FRYL: variants seen among roughly 807,000 people sequenced by gnomAD.
The protein encoded by FRYL is FRY like transcription coactivator.
FRYL carries 150 observed loss-of-function variants against 351.2 expected under a neutral mutation model. The observed-to-expected ratio is 0.43, with a 90% CI of 0.37 to 0.49. The LOEUF (loss-of-function observed/expected upper bound fraction) is 0.49. FRYL is among the 20% of genes least tolerant of loss of function. The pLI, the probability that FRYL is intolerant of heterozygous loss-of-function variation, is 0.00. For missense variants in FRYL, 3,036 were observed against 3,619.3 expected, an observed-to-expected ratio of 0.84 and a Z score of 4.13; for synonymous variants, 1,153 against 1,257.1, an observed-to-expected ratio of 0.92 and a Z score of 1.75.
chr4:48,594,095 GACA>G (rs1334526527), intron 15 of FRYL, 79 bp from the exon 16 acceptor site: 4 of 756,854 alleles, frequency 5.3e-6, no homozygotes, highest in Non-Finnish European at 8.1e-6. Flanking sequence ...AATATACAAT[GACA>G]ACAAGACAGG....
intron 40 of FRYL, 34 bp downstream of exon 40, chr4:48,548,656 T>C (rs1731972152): frequency 1.8e-6 from 2 of 1,127,310 alleles, no homozygotes; most frequent in South Asian, 2.6e-5. Context: ...CATAAAAATA[T>C]AACATGAAAG....
intron 3 of FRYL, among the ~76,000 whole-genome samples, chr4:48,645,548 C>A (rs1394194041): frequency 2.0e-5 from 3 of 152,156 alleles, no homozygotes; most frequent in Admixed American, 2.0e-4. Flanking sequence ...CATATATACT[C>A]TCAGCATTCT....
intron 41 of FRYL, chr4:48,546,475 T>C (rs1731354639): frequency 1.7e-6 from 1 of 577,806 alleles, no homozygotes; most frequent in Non-Finnish European, 3.1e-6. Flanking sequence ...GTTTCACAGC[T>C]TGAAAACTTA....
At chr4:48,769,044 G>A (rs1468041672) in intron 1 of FRYL, among the ~76,000 whole-genome samples, 1 of 152,098 alleles carries the variant, frequency 6.6e-6, no homozygotes, top group Admixed American at 6.5e-5. Context: ...GGCTGAGATG[G>A]GAGGATCACT....
chr4:48,587,417 T>C lies in FRYL; in HGVS notation c.1641-689A>G, dbSNP rs538964983. 3.3e-4 allele frequency among the ~76,000 whole-genome samples: 51 copies of C among 152,324 alleles called. No individual in the cohort carries two copies. The South Asian group carries it at 0.01, about 30-fold the overall frequency. On this transcript the variant is annotated intron_variant, in intron 18 of 63. Coordinates refer to ENST00000358350, the MANE Select transcript of FRYL (RefSeq NM_015030.2). ...CCTCTTAATATACTGGTTTTTATTC[T>C]GGTCTGTATTTGAAGGTGAGGCCTT...
chr4:48,501,485 A>T, intron 62 of FRYL, 138 bp downstream of exon 62: 1 of 639,900 alleles, frequency 1.6e-6, no homozygotes, highest in South Asian at 1.7e-5. Context: ...ATCATTAAAA[A>T]ACAAATTATT....
At chr4:48,757,861 C>T (rs1049857345) in intron 1 of FRYL, among the ~76,000 whole-genome samples, 3 of 152,166 alleles carry the variant, frequency 2.0e-5, no homozygotes, top group Non-Finnish European at 2.9e-5. Flanking sequence ...GTAACCAAAA[C>T]AGCATGGTAC....
intron 3 of FRYL, among the ~76,000 whole-genome samples, chr4:48,658,584 CAAAAAAA>C (rs11388062): frequency 6.9e-4 from 66 of 95,858 alleles, no homozygotes; most frequent in African/African-American, 2.2e-3. Context: ...CAAAAAAATA[CAAAAAAA>C]AAAAAAAAAA....
At chr4:48,557,415 ATT>A (rs1216420101) in intron 34 of FRYL, 36 bp downstream of exon 34, 1 of 1,610,188 alleles carries the variant, frequency 6.2e-7, no homozygotes, top group South Asian at 1.1e-5. Flanking sequence ...TCACTCAATA[ATT>A]CTGTGCAGCA....
chr4:48,594,893 C>T (rs1213856416), intron 15 of FRYL, among the ~76,000 whole-genome samples: 3 of 152,196 alleles, frequency 2.0e-5, no homozygotes, highest in African/African-American at 4.8e-5. Context: ...TCTAATAATC[C>T]TTCCTTTACT....
At chr4:48,698,222 A>G (rs1352183199) in intron 2 of FRYL, among the ~76,000 whole-genome samples, 1 of 152,254 alleles carries the variant, frequency 6.6e-6, no homozygotes, top group African/African-American at 2.4e-5. Flanking sequence ...ACTTCACTGA[A>G]GAAGTGGTGC....
rs776437209 is a variant in FRYL, at chr4:48,512,698, C to T, written c.7938-10G>A. 6.3e-6 allele frequency: 10 copies of T among 1,590,400 alleles called. No individual in the cohort carries two copies. The East Asian group carries it at 2.2e-4, about 36-fold the overall frequency. On this transcript the variant is annotated splice_polypyrimidine_tract_variant and intron_variant, in intron 56 of 63. Coordinates refer to ENST00000358350, the MANE Select transcript of FRYL (RefSeq NM_015030.2). ...CTCTTCTTCATCTTGACTATTAACACAGATATCATAAATATCATAACACTA... is the reference window on the plus strand; with the variant it reads ...CTCTTCTTCATCTTGACTATTAACATAGATATCATAAATATCATAACACTA...
At chr4:48,721,416 G>A (rs1769458960) in intron 1 of FRYL, among the ~76,000 whole-genome samples, 1 of 151,270 alleles carries the variant, frequency 6.6e-6, no homozygotes, top group South Asian at 2.1e-4. Context: ...TGTAATCCTA[G>A]TACTTTGGGA....
intron 3 of FRYL, 60 bp from the exon 4 acceptor site, chr4:48,634,550 T>C: frequency 7.7e-7 from 1 of 1,293,882 alleles, no homozygotes; most frequent in South Asian, 1.3e-5. Context: ...AGGTCTACCA[T>C]AACTACCCTA....
chr4:48,656,395 AAT>A (rs1407305944), intron 3 of FRYL, among the ~76,000 whole-genome samples: 1 of 7,942 alleles, frequency 1.3e-4, no homozygotes. Flanking sequence ...ATATATAATT[AAT>A]ATATAATTAT....
chr4:48,654,040 G>T, intron 3 of FRYL: 3 of 627,646 alleles, frequency 4.8e-6, no homozygotes, highest in South Asian at 2.7e-5. Flanking sequence ...TATTATAAGT[G>T]CCCAGAAGGA....
At chr4:48,772,460 C>T (rs1775610539) in intron 1 of FRYL, among the ~76,000 whole-genome samples, 1 of 151,922 alleles carries the variant, frequency 6.6e-6, no homozygotes, top group Non-Finnish European at 1.5e-5. Context: ...TCTACTCATA[C>T]TATTTATACA....
chr4:48,776,364 A>C (rs537672454), intron 1 of FRYL, among the ~76,000 whole-genome samples: 6 of 152,286 alleles, frequency 3.9e-5, no homozygotes, highest in East Asian at 1.9e-4. Flanking sequence ...ATAAGCAAAA[A>C]CTTTTTCTCC....
chr4:48,543,415 A>G (rs1424780913), intron 44 of FRYL, among the ~76,000 whole-genome samples: 2 of 152,214 alleles, frequency 1.3e-5, no homozygotes, highest in African/African-American at 4.8e-5. Flanking sequence ...CAGCGTTAAT[A>G]AAGTCATTCA....
Sources: allele counts gnomAD v4.1 joint callset (sites outside exome capture counted in the v4.1 genomes callset), GRCh38; gene constraint gnomAD v4.1.1; transcripts MANE v1.5; gene names NCBI Gene and HGNC (gene_info 2026-07-23, HGNC 2026-07-21).